Variants in SRRM4 observed in about 807,000 individuals in gnomAD.
SRRM4 encodes the protein serine/arginine repetitive matrix protein 4.
SRRM4 carries 33 observed loss-of-function variants against 68.9 expected under a neutral mutation model. The ratio of observed to expected loss-of-function variants is 0.48; its 90% CI spans 0.36 to 0.64. The LOEUF is 0.64. Ranked by LOEUF, SRRM4 falls within the 30% of genes least tolerant of loss-of-function variation. SRRM4 has a pLI of 0.00. For missense variants in SRRM4, 817 were observed against 827.1 expected (o/e 0.99, Z 0.15); for synonymous variants, 318 against 318.8 (o/e 1.00, Z 0.03).
At chr12:119,064,012 A>G (rs1332805572) in intron 1 of SRRM4, among the ~76,000 whole-genome samples, 1 of 152,184 alleles carries the variant, frequency 6.6e-6, no homozygotes, top group Non-Finnish European at 1.5e-5. Context: ...AGAAAACAAG[A>G]AGCAAAAAAT....
intron 1 of SRRM4, among the ~76,000 whole-genome samples, chr12:119,069,254 G>A (rs1435283544): frequency 2.6e-5 from 4 of 152,166 alleles, no homozygotes; most frequent in Admixed American, 1.3e-4. Flanking sequence ...GAGAACTGCC[G>A]GGAGACCTTT....
intron 1 of SRRM4, chr12:118,992,165 C>A (rs922893466): frequency 2.0e-5 from 3 of 152,256 alleles, no homozygotes; most frequent in Non-Finnish European, 4.4e-5. Context: ...CTGAAGCCTG[C>A]AAAAAGAGAG....
chr12:119,079,784 G>A (rs1399327496), intron 1 of SRRM4, among the ~76,000 whole-genome samples: 1 of 152,084 alleles, frequency 6.6e-6, no homozygotes, highest in Non-Finnish European at 1.5e-5. Flanking sequence ...CCATGAAACT[G>A]TTGGGATCGC....
At chr12:119,037,716 T>G (rs1006665945) in intron 1 of SRRM4, among the ~76,000 whole-genome samples, 3 of 152,158 alleles carry the variant, frequency 2.0e-5, no homozygotes, top group African/African-American at 7.2e-5. Context: ...AAGCTGAACA[T>G]TCGCCGAAGA....
At chr12:119,114,660 C>CTTTTTT (rs68020424) in intron 3 of SRRM4, among the ~76,000 whole-genome samples, 7 of 101,374 alleles carry the variant, frequency 6.9e-5, no homozygotes, top group South Asian at 3.9e-4. Context: ...GAAGCATAGT[C>CTTTTTT]TTTTTTTTTT....
intron 5 of SRRM4, among the ~76,000 whole-genome samples, chr12:119,121,335 T>C (rs1294084658): frequency 1.3e-5 from 2 of 152,324 alleles, no homozygotes; most frequent in African/African-American, 4.8e-5. Flanking sequence ...TAGCTTAAAC[T>C]ACCAAATAGT....
At chr12:119,069,241 C>T (rs957018387) in intron 1 of SRRM4, among the ~76,000 whole-genome samples, 1 of 152,162 alleles carries the variant, frequency 6.6e-6, no homozygotes, top group African/African-American at 2.4e-5. Context: ...CCTGGCTGGG[C>T]GTGAGAACTG....
chr12:119,044,030 C>T (rs899296552), intron 1 of SRRM4, among the ~76,000 whole-genome samples: 1 of 152,094 alleles, frequency 6.6e-6, no homozygotes, highest in African/African-American at 2.4e-5. Flanking sequence ...CCACACCCAG[C>T]TAATTTTGTA....
chr12:119,112,720 C>T (rs1592902555), intron 2 of SRRM4, among the ~76,000 whole-genome samples: 1 of 152,174 alleles, frequency 6.6e-6, no homozygotes, highest in African/African-American at 2.4e-5. Context: ...CCAAATACTG[C>T]ATGATCTCAC....
In SRRM4 at chr12:119,145,688, C is replaced by T. The variant is rs1198127559; in HGVS notation, c.1076+3C>T. The T allele has an allele frequency of 3.3e-6, 5 of 1,511,104 alleles. No homozygotes were observed. In the South Asian group the frequency reaches 6.7e-5, roughly 20 times the overall value. The allele number at this position is 1,511,104 out of a possible 1,614,324, so 93.6% of individuals were successfully genotyped here. A position where few individuals can be genotyped will look rare whatever the true frequency, so the allele number is the denominator to read the frequency against. ...ACCAGCAGGGGCAGAGAGTCAAGGTCAGTGCACCACACAGGGTCGGGGGTA... is the reference window on the plus strand; with the variant it reads ...ACCAGCAGGGGCAGAGAGTCAAGGTTAGTGCACCACACAGGGTCGGGGGTA... On this transcript the variant is annotated splice_donor_region_variant and intron_variant, in intron 9 of 12. Coordinates refer to ENST00000267260, the MANE Select transcript of SRRM4 (RefSeq NM_194286.4).
chr12:119,151,016 G>A lies in SRRM4; in HGVS notation c.1077-1G>A. The A allele has an allele frequency of 6.2e-7, 1 of 1,613,822 alleles. No individual in the cohort carries two copies. The highest frequency in any genetic ancestry group is 8.5e-7 in the Non-Finnish European group (1 of 1,179,824). On this transcript the variant is annotated splice_acceptor_variant, in intron 9 of 12. Coordinates refer to ENST00000267260, the MANE Select transcript of SRRM4 (RefSeq NM_194286.4). LOFTEE classifies it high-confidence loss of function. ...GCTCATGGACATTTTCCCACCTGCA[G>A]GGGATTTCAGTCACCGTGTCTGGAA...
chr12:119,105,232 G>T (rs946477471), intron 2 of SRRM4, among the ~76,000 whole-genome samples: 8 of 151,962 alleles, frequency 5.3e-5, no homozygotes, highest in African/African-American at 1.9e-4. Flanking sequence ...ATGGACATTT[G>T]GGTTGGTTCC....
chr12:119,139,796 G>T (rs1387385091), intron 8 of SRRM4, among the ~76,000 whole-genome samples: 2 of 152,070 alleles, frequency 1.3e-5, no homozygotes, highest in Non-Finnish European at 2.9e-5. Context: ...CCCAGAAAAA[G>T]GTGTACTATC....
intron 1 of SRRM4, among the ~76,000 whole-genome samples, chr12:119,041,936 G>T (rs771765012): frequency 4.6e-5 from 7 of 152,142 alleles, no homozygotes; most frequent in Non-Finnish European, 8.8e-5. Context: ...GCTTTAAGGC[G>T]GTGGGTAGAG....
In SRRM4 at chr12:119,125,367, C is replaced by G. The variant is rs570674094; in HGVS notation, c.516-14C>G. ...TCTCCTCTCCTCTGACTCGTTCCTT[C>G]TCATCCCCCCAAGATCTCGAAGCCG... On this transcript the variant is annotated splice_polypyrimidine_tract_variant and intron_variant, in intron 6 of 12. Transcript: ENST00000267260. 1.2e-6 allele frequency: 2 copies of G among 1,609,720 alleles called. No homozygotes were observed. The highest frequency in any genetic ancestry group is 1.7e-6 in the Non-Finnish European group (2 of 1,176,982).
intron 1 of SRRM4, among the ~76,000 whole-genome samples, chr12:119,058,806 G>C (rs1221361817): frequency 1.3e-5 from 2 of 151,832 alleles, no homozygotes; most frequent in Admixed American, 1.3e-4. Flanking sequence ...TTTTCTTTCA[G>C]AGCCATTGTT....
chr12:119,001,634 T>A (rs1953384797), intron 1 of SRRM4: 1 of 152,182 alleles, frequency 6.6e-6, no homozygotes, highest in African/African-American at 2.4e-5. Context: ...GTATGTATTG[T>A]TATTTCTATA....
intron 1 of SRRM4, among the ~76,000 whole-genome samples, chr12:119,002,362 T>G (rs1953390159): frequency 6.6e-6 from 1 of 152,198 alleles, no homozygotes; most frequent in Non-Finnish European, 1.5e-5. Context: ...ACGTGTTCCA[T>G]GGGCTTATCA....
intron 1 of SRRM4, among the ~76,000 whole-genome samples, chr12:119,032,324 T>TAG (rs950568621): frequency 2.6e-5 from 4 of 152,146 alleles, no homozygotes; most frequent in Admixed American, 6.5e-5. Flanking sequence ...AAAAAGACAG[T>TAG]AGTGAGTGTC....
Sources: gnomAD v4.1 joint callset for allele counts (sites outside exome capture counted in the v4.1 genomes callset) on GRCh38, gnomAD v4.1.1 for gene constraint, MANE v1.5 for transcripts, NCBI Gene and HGNC (gene_info 2026-07-23, HGNC 2026-07-21) for gene names.